Variants in SYNE3 observed in about 807,000 individuals in gnomAD.
SYNE3 encodes the protein nesprin-3.
SYNE3 carries 100 observed loss-of-function variants against 111.2 expected under a neutral mutation model. The observed-to-expected ratio is 0.90, with a 90% confidence interval of 0.77 to 1.06. The LOEUF (loss-of-function observed/expected upper bound fraction) is 1.06, where lower values mean the gene tolerates loss of function less well. SYNE3 is among the 50% of genes least tolerant of loss of function. The pLI is 0.00. For synonymous variants in SYNE3, 547 were observed against 533.9 expected (o/e 1.02, Z -0.34); for missense variants, 1,160 against 1,240.3 (o/e 0.94, Z 0.97).
At chr14:95,497,894 G>A (rs1186425497) in intron 1 of SYNE3, among the ~76,000 whole-genome samples, 1 of 152,062 alleles carries the variant, frequency 6.6e-6, no homozygotes, top group Middle Eastern at 3.2e-3. Context: ...AGTGCCACGT[G>A]CCTGTAATCC....
At chr14:95,493,495 T>C (rs1265593971) in intron 1 of SYNE3, among the ~76,000 whole-genome samples, 1 of 152,258 alleles carries the variant, frequency 6.6e-6, no homozygotes, top group Non-Finnish European at 1.5e-5. Flanking sequence ...TGAGCCAGAC[T>C]GCTTCTGAGA....
In SYNE3 at chr14:95,463,644, G is replaced by A. The variant is rs61729691; in HGVS notation, c.627+2287C>T. 7.9e-3 allele frequency among the ~76,000 whole-genome samples: 1,207 copies of A among 152,336 alleles called. 20 individuals are homozygous for A. The highest frequency in any genetic ancestry group is 0.027 in the African/African-American group (1,127 of 41,580). On this transcript the variant is annotated intron_variant, in intron 4 of 17. Coordinates refer to ENST00000682763, the MANE Select transcript of SYNE3 (RefSeq NM_152592.6). ...AGCCTGCCCATGCCACACGGGCCTT[G>A]GCAGGGCTGGATGAGGGCCAATTGG...
At chr14:95,420,131 AG>A (rs1315444395) in intron 17 of SYNE3, among the ~76,000 whole-genome samples, 7 of 147,266 alleles carry the variant, frequency 4.8e-5, no homozygotes, top group Non-Finnish European at 9.0e-5. Context: ...TTTATAAAAC[AG>A]GCTGATTATA....
intron 2 of SYNE3, among the ~76,000 whole-genome samples, chr14:95,472,534 T>C (rs76303110): frequency 0.039 from 6,012 of 152,346 alleles, 171 homozygotes; most frequent in Non-Finnish European, 0.061. Context: ...TCGCCAGCTC[T>C]GCCAGCATAC....
intron 17 of SYNE3, among the ~76,000 whole-genome samples, chr14:95,430,681 G>A (rs377248978): frequency 5.3e-5 from 8 of 152,236 alleles, no homozygotes; most frequent in South Asian, 2.1e-4. Context: ...AAAATTAGCC[G>A]GGTGTGGTAG....
chr14:95,447,258 C>T (rs987450405), intron 8 of SYNE3, among the ~76,000 whole-genome samples: 4 of 151,900 alleles, frequency 2.6e-5, no homozygotes, highest in Non-Finnish European at 4.4e-5. Context: ...CTCAGCCTCC[C>T]GAGTAGCTGG....
chr14:95,506,020 G>T (rs1890513699), intron 1 of SYNE3, among the ~76,000 whole-genome samples: 2 of 152,272 alleles, frequency 1.3e-5, no homozygotes, highest in South Asian at 4.1e-4. Context: ...GTGGAGCCCA[G>T]GTGGTTATGA....
intron 1 of SYNE3, among the ~76,000 whole-genome samples, chr14:95,509,532 G>A (rs1890649619): frequency 6.6e-6 from 1 of 152,188 alleles, no homozygotes; most frequent in African/African-American, 2.4e-5. Context: ...GAACTTCAAG[G>A]TACCTTAGAA....
chr14:95,437,625 T>C lies in SYNE3; in HGVS notation c.2377-644A>G, dbSNP rs187103890. Among the ~76,000 whole-genome samples, 1,269 of 152,296 alleles carry C rather than the reference T, an allele frequency of 8.3e-3. 14 individuals carry two copies. Among genetic ancestry groups the C allele is most frequent in the African/African-American group, 0.029 (1,197 of 41,540 alleles). On this transcript the variant is annotated intron_variant, in intron 14 of 17. Transcript: ENST00000682763. ...ACCTAGGAACTGCTGCAGGCTCCCA[T>C]AGCCTCTGGCCTGTCTGCCAAGGTG...
At chr14:95,516,559 G>GGCCCCCA (rs1253194572) in intron 1 of SYNE3, among the ~76,000 whole-genome samples, 37 bp downstream of exon 1, 2 of 88,654 alleles carry the variant, frequency 2.3e-5, no homozygotes, top group Non-Finnish European at 5.0e-5. Flanking sequence ...CCCGGCCCCC[G>GGCCCCCA]GCCCCAGGCC....
intron 17 of SYNE3, among the ~76,000 whole-genome samples, chr14:95,427,532 GTC>G (rs1566956625): frequency 6.6e-6 from 1 of 152,148 alleles, no homozygotes; most frequent in Non-Finnish European, 1.5e-5. Context: ...AGTACTAAAA[GTC>G]TCTGATATGC....
chr14:95,508,477 CA>C (rs1890607590), intron 1 of SYNE3, among the ~76,000 whole-genome samples: 1 of 152,164 alleles, frequency 6.6e-6, no homozygotes, highest in African/African-American at 2.4e-5. Context: ...AGAAGACAGA[CA>C]ATACACTCAA....
In SYNE3 at chr14:95,409,877, A is replaced by C; in HGVS notation, c.*7949T>G. On this transcript the variant is annotated 3_prime_UTR_variant, in exon 18 of 18. Coordinates refer to ENST00000682763, the MANE Select transcript of SYNE3 (RefSeq NM_152592.6). ...CACCCACTTTCCTTTTCAAAGCCTCAATTGTCTGCTACAAAACAAAGAGCT... is the reference window on the plus strand; with the variant it reads ...CACCCACTTTCCTTTTCAAAGCCTCCATTGTCTGCTACAAAACAAAGAGCT... 6.0e-6 allele frequency: 1 copy of C among 165,784 alleles called. No homozygotes were observed. The highest frequency in any genetic ancestry group is 1.5e-4 in the South Asian group (1 of 6,536). The allele number at this position is 165,784 out of a possible 1,614,324, so 10.3% of individuals were successfully genotyped here.
intron 17 of SYNE3, among the ~76,000 whole-genome samples, chr14:95,430,650 C>T (rs1595181022): frequency 6.6e-6 from 1 of 151,942 alleles, no homozygotes; most frequent in South Asian, 2.1e-4. Flanking sequence ...ATGGTGAAAC[C>T]CCGTCTCTAC....
At chr14:95,505,496 G>A (rs1202186653) in intron 1 of SYNE3, among the ~76,000 whole-genome samples, 1 of 152,108 alleles carries the variant, frequency 6.6e-6, no homozygotes, top group Admixed American at 6.6e-5. Context: ...GGCCTTAGAG[G>A]TCATCTAGTT....
At chr14:95,446,575 G>A (rs1886734263) in intron 8 of SYNE3, among the ~76,000 whole-genome samples, 2 of 151,946 alleles carry the variant, frequency 1.3e-5, no homozygotes, top group African/African-American at 4.8e-5. Flanking sequence ...ACACCCCCCA[G>A]CGCTATCTGC....
chr14:95,488,397 T>C (rs1052957668), intron 1 of SYNE3, among the ~76,000 whole-genome samples: 1 of 152,244 alleles, frequency 6.6e-6, no homozygotes, highest in African/African-American at 2.4e-5. Flanking sequence ...TGCCACAGAT[T>C]GTGGATTCAT....
intron 1 of SYNE3, among the ~76,000 whole-genome samples, chr14:95,488,095 A>G (rs1889639804): frequency 1.3e-5 from 2 of 152,256 alleles, no homozygotes; most frequent in Admixed American, 1.3e-4. Flanking sequence ...TGTAATATAT[A>G]CAACATACAA....
intron 4 of SYNE3, among the ~76,000 whole-genome samples, chr14:95,461,563 C>T (rs947445465): frequency 6.6e-6 from 1 of 152,206 alleles, no homozygotes; most frequent in African/African-American, 2.4e-5. Flanking sequence ...CCCCATCAAC[C>T]CTAGAGGCTG....
Sources: allele counts gnomAD v4.1 joint callset (sites outside exome capture counted in the v4.1 genomes callset), GRCh38; gene constraint gnomAD v4.1.1; transcripts MANE v1.5; gene names NCBI Gene and HGNC (gene_info 2026-07-23, HGNC 2026-07-21).